The following DOCK1 variants were observed in gnomAD, a reference collection of about 807,000 sequenced individuals.
DOCK1 encodes the protein dedicator of cytokinesis 1.
A neutral mutation model predicts 262.7 loss-of-function variants in DOCK1; 138 were observed. That is an observed-to-expected ratio of 0.53 (90% CI 0.46 to 0.61). The LOEUF (loss-of-function observed/expected upper bound fraction) is 0.61, where lower values mean the gene tolerates loss of function less well. Ranked by LOEUF, DOCK1 falls within the 20% of genes least tolerant of loss-of-function variation. The pLI, the probability that DOCK1 is intolerant of heterozygous loss-of-function variation, is 0.00. For missense variants in DOCK1, 1,908 were observed against 2,370.7 expected (o/e 0.80, Z 4.05); for synonymous variants, 866 against 867.4 (o/e 1.00, Z 0.03).
intron 46 of DOCK1, among the ~76,000 whole-genome samples, chr10:127,422,135 A>G (rs2134506182): frequency 6.7e-6 from 1 of 148,362 alleles, no homozygotes; most frequent in Admixed American, 6.7e-5. Context: ...TGCACCCCCA[A>G]CAAGACTTGT....
At chr10:127,272,710 T>C (rs1258839416) in intron 29 of DOCK1, among the ~76,000 whole-genome samples, 5 of 152,182 alleles carry the variant, frequency 3.3e-5, no homozygotes, top group Non-Finnish European at 7.3e-5. Context: ...AAAGACATAC[T>C]TGAGACTGGG....
chr10:127,060,117 T>TG (rs11405424), intron 22 of DOCK1, among the ~76,000 whole-genome samples: 39,342 of 152,032 alleles, frequency 0.26, 5,022 homozygotes, highest in Middle Eastern at 0.34. Flanking sequence ...TTTTCCAAAC[T>TG]CGAGTCATTT....
chr10:127,381,789 A>C (rs1016769267), intron 37 of DOCK1, among the ~76,000 whole-genome samples: 3 of 152,202 alleles, frequency 2.0e-5, no homozygotes, highest in Non-Finnish European at 2.9e-5. Context: ...CCAGATCATG[A>C]CTTTTCACTC....
chr10:127,144,261 CCTT>C (rs1400691031), intron 27 of DOCK1, among the ~76,000 whole-genome samples: 1 of 152,294 alleles, frequency 6.6e-6, no homozygotes, highest in East Asian at 1.9e-4. Context: ...ACACGTCACT[CCTT>C]CTTTCTGTGG....
intron 29 of DOCK1, among the ~76,000 whole-genome samples, chr10:127,258,382 G>A (rs760077775): frequency 1.3e-4 from 20 of 152,192 alleles, no homozygotes; most frequent in Non-Finnish European, 2.9e-4. Context: ...TGTTACATAA[G>A]TGTAATCATA....
chr10:127,199,634 C>T (rs1397069193), intron 27 of DOCK1, among the ~76,000 whole-genome samples: 3 of 152,248 alleles, frequency 2.0e-5, no homozygotes, highest in Non-Finnish European at 2.9e-5. Context: ...TCCAAGAATG[C>T]GACAAAGTTA....
In DOCK1 at chr10:127,176,384, C is replaced by G; in HGVS notation, c.2847+48620C>G. 6.2e-7 allele frequency: 1 copy of G among 1,605,866 alleles called. No homozygotes were observed. The highest frequency in any genetic ancestry group is 1.1e-5 in the South Asian group (1 of 90,230). On this transcript the variant is annotated intron_variant, in intron 27 of 51. Coordinates refer to ENST00000623213, the MANE Select transcript of DOCK1 (RefSeq NM_001290223.2). This position sits in a 1 kb window ranked among gnomAD's most constrained non-coding sequence, Gnocchi z 4.4. ...TTGTGAGTATGCATTTGCCGGTGTC[C>G]TTACTGACCATGGTTCCTGCATTCA...
chr10:127,227,475 G>A (rs1007317663), intron 27 of DOCK1, among the ~76,000 whole-genome samples: 9 of 152,326 alleles, frequency 5.9e-5, no homozygotes, highest in South Asian at 4.1e-4. Flanking sequence ...CATATGGGCC[G>A]TAGCCTCTAG....
At chr10:127,090,995 T>G (rs1217604088) in intron 23 of DOCK1, among the ~76,000 whole-genome samples, 2 of 151,732 alleles carry the variant, frequency 1.3e-5, no homozygotes, top group Non-Finnish European at 1.5e-5. Flanking sequence ...TTTTTTTTTT[T>G]TTTTGAGACG....
rs1269306491 is a variant in DOCK1 at position 126,948,403 on chromosome 10, A to T, written c.47-22299A>T. 1.0e-4 allele frequency among the ~76,000 whole-genome samples: 8 copies of T among 77,348 alleles called. 3 individuals are homozygous for T. The highest frequency in any genetic ancestry group is 1.7e-4 in the Non-Finnish European group (6 of 34,628). 50.7% of individuals were successfully genotyped at this position (77,348 alleles called of 152,430 possible). A position where few individuals can be genotyped will look rare whatever the true frequency, so the allele number is the denominator to read the frequency against. ...GGTGGTGATGGTGGTGGTTGGTAGT[A>T]TTACTGTTGGTGGTGATGGTGGTGG... On this transcript the variant is annotated intron_variant, in intron 1 of 51. Coordinates refer to ENST00000623213, the MANE Select transcript of DOCK1 (RefSeq NM_001290223.2).
At chr10:127,444,554 A>C (rs1200226095) in intron 50 of DOCK1, among the ~76,000 whole-genome samples, 1 of 152,166 alleles carries the variant, frequency 6.6e-6, no homozygotes, top group East Asian at 1.9e-4. Flanking sequence ...CCTGTGAAGC[A>C]CGTGGAACCA....
intron 38 of DOCK1, among the ~76,000 whole-genome samples, chr10:127,395,732 A>G (rs926658612): frequency 6.6e-6 from 1 of 152,266 alleles, no homozygotes; most frequent in Non-Finnish European, 1.5e-5. Flanking sequence ...CCTGAGCCCC[A>G]TAAAGCCAGT....
chr10:127,192,658 G>A (rs2056839347), intron 27 of DOCK1: 1 of 152,210 alleles, frequency 6.6e-6, no homozygotes, highest in African/African-American at 2.4e-5. Flanking sequence ...TGTCTCTGAA[G>A]TTATGGTTTT....
intron 27 of DOCK1, among the ~76,000 whole-genome samples, chr10:127,218,977 T>TG (rs1279379118): frequency 6.6e-6 from 1 of 152,122 alleles, no homozygotes; most frequent in Non-Finnish European, 1.5e-5. Context: ...TAGGGCTAAG[T>TG]GAAACCTCTT....
At chr10:127,361,320 T>C (rs867725137) in intron 32 of DOCK1, among the ~76,000 whole-genome samples, 9 of 152,198 alleles carry the variant, frequency 5.9e-5, no homozygotes, top group Middle Eastern at 3.4e-3. Context: ...CTCACCGTGT[T>C]AGCCAGGATG....
intron 27 of DOCK1, among the ~76,000 whole-genome samples, chr10:127,182,612 A>C (rs1465609020): frequency 1.3e-5 from 2 of 152,212 alleles, no homozygotes; most frequent in Non-Finnish European, 2.9e-5. Context: ...ACTGGAAAAT[A>C]TGCCTCCTTG....
chr10:127,182,933 C>A (rs1288313759), intron 27 of DOCK1, among the ~76,000 whole-genome samples: 1 of 152,102 alleles, frequency 6.6e-6, no homozygotes, highest in Admixed American at 6.6e-5. Flanking sequence ...TGGGGCCCAT[C>A]AGAGGCGGGA....
chr10:127,191,882 C>G (rs1216588120), intron 27 of DOCK1, among the ~76,000 whole-genome samples: 6 of 152,184 alleles, frequency 3.9e-5, no homozygotes, highest in Admixed American at 3.3e-4. Context: ...GTGAGAGCAA[C>G]TTTTATTTGC....
intron 50 of DOCK1, among the ~76,000 whole-genome samples, chr10:127,444,937 C>T (rs541429664): frequency 1.3e-5 from 2 of 151,746 alleles, no homozygotes; most frequent in African/African-American, 4.8e-5. Context: ...CCTGTCTCCA[C>T]GTGGCCTCCT....
Sources: gnomAD v4.1 joint callset for allele counts (sites outside exome capture counted in the v4.1 genomes callset) on GRCh38, gnomAD v4.1.1 for gene constraint, Gnocchi (gnomAD v3.1) non-coding constraint, MANE v1.5 for transcripts, NCBI Gene and HGNC (gene_info 2026-07-23, HGNC 2026-07-21) for gene names.